Variants in TMTC1 observed in about 807,000 individuals in gnomAD.
TMTC1 encodes the protein protein O-mannosyl-transferase TMTC1.
TMTC1 carries 73 observed loss-of-function variants against 104.8 expected under a neutral mutation model. That is an observed-to-expected ratio of 0.70 (90% CI 0.58 to 0.85). TMTC1 has a LOEUF of 0.85. TMTC1 is among the 40% of genes least tolerant of loss of function. TMTC1 has a pLI of 0.00. For synonymous variants in TMTC1, 434 were observed against 428.7 expected (o/e 1.01, Z -0.15); for missense variants, 1,035 against 1,096.1 (o/e 0.94, Z 0.79).
At chr12:29,616,371 G>A (rs1946978080) in intron 6 of TMTC1, among the ~76,000 whole-genome samples, 1 of 152,108 alleles carries the variant, frequency 6.6e-6, no homozygotes, top group African/African-American at 2.4e-5. Context: ...TCACGCTACA[G>A]TTGAAATACA....
At chr12:29,660,697 T>A (rs1939977301) in intron 5 of TMTC1, 2 of 338,132 alleles carry the variant, frequency 5.9e-6, no homozygotes, top group Non-Finnish European at 9.7e-6. Context: ...TAGAGTCTAT[T>A]GCTGATTCTA....
At chr12:29,606,417 G>C (rs1205458201) in intron 6 of TMTC1, among the ~76,000 whole-genome samples, 3 of 141,436 alleles carry the variant, frequency 2.1e-5, no homozygotes, top group Non-Finnish European at 4.9e-5. Flanking sequence ...TCTTACAATT[G>C]AAAACAGACC....
intron 5 of TMTC1, among the ~76,000 whole-genome samples, chr12:29,702,811 C>G (rs1941635271): frequency 6.6e-6 from 1 of 152,162 alleles, no homozygotes; most frequent in African/African-American, 2.4e-5. Context: ...GTCCATCATA[C>G]CACACAGCTA....
intron 6 of TMTC1, among the ~76,000 whole-genome samples, chr12:29,608,021 A>T (rs1946748302): frequency 1.3e-5 from 2 of 152,220 alleles, no homozygotes; most frequent in Non-Finnish European, 2.9e-5. Flanking sequence ...GAGAAAATTA[A>T]TACTCATGAA....
At chr12:29,605,247 G>C (rs1163283231) in intron 6 of TMTC1, among the ~76,000 whole-genome samples, 2 of 151,926 alleles carry the variant, frequency 1.3e-5, no homozygotes, top group Non-Finnish European at 2.9e-5. Flanking sequence ...AAAAGAATAA[G>C]TAAAAGAATT....
At chr12:29,671,476 C>T (rs762192904) in intron 5 of TMTC1, among the ~76,000 whole-genome samples, 29 of 152,172 alleles carry the variant, frequency 1.9e-4, no homozygotes, top group Non-Finnish European at 3.8e-4. Context: ...TACATGCATA[C>T]ATTTAACTTG....
intron 6 of TMTC1, among the ~76,000 whole-genome samples, chr12:29,617,533 CAACAGAGAGAGAGA>C (rs1199205728): frequency 8.3e-6 from 1 of 120,380 alleles, no homozygotes; most frequent in Non-Finnish European, 1.8e-5. Flanking sequence ...GCAAAACAGA[CAACAGAGAGAGAGA>C]GAGAGAGAGA....
intron 9 of TMTC1, among the ~76,000 whole-genome samples, chr12:29,560,716 T>C (rs1332530403): frequency 6.6e-6 from 1 of 152,204 alleles, no homozygotes; most frequent in Non-Finnish European, 1.5e-5. Context: ...ATAAACAATA[T>C]CCATTTAAGC....
chr12:29,548,913 A>C (rs901862686), intron 10 of TMTC1, among the ~76,000 whole-genome samples: 6 of 142,610 alleles, frequency 4.2e-5, no homozygotes, highest in Non-Finnish European at 7.6e-5. Context: ...TAATATATTT[A>C]TTTACATATT....
chr12:29,727,112 C>T (rs948476973), intron 5 of TMTC1, among the ~76,000 whole-genome samples: 6 of 152,216 alleles, frequency 3.9e-5, no homozygotes, highest in African/African-American at 1.4e-4. Flanking sequence ...CACAATGTCT[C>T]AGCTTCTCTG....
intron 6 of TMTC1, among the ~76,000 whole-genome samples, chr12:29,605,810 C>T (rs1010982185): frequency 3.3e-5 from 5 of 152,128 alleles, no homozygotes; most frequent in Non-Finnish European, 7.3e-5. Context: ...TTCTGCCACC[C>T]AGAGAGTGAA....
At chr12:29,718,894 C>CT (rs1942155470) in intron 5 of TMTC1, among the ~76,000 whole-genome samples, 1 of 142,778 alleles carries the variant, frequency 7.0e-6, no homozygotes, top group Non-Finnish European at 1.5e-5. Flanking sequence ...GATCGCGCCA[C>CT]TGCACTCCAG....
At chr12:29,605,957 G>A (rs1946687615) in intron 6 of TMTC1, among the ~76,000 whole-genome samples, 2 of 152,144 alleles carry the variant, frequency 1.3e-5, no homozygotes, top group Admixed American at 1.3e-4. Context: ...GTGAGAATAT[G>A]TGGTATTTGG....
At chr12:29,558,505 T>TC (rs1474843358) in intron 9 of TMTC1, among the ~76,000 whole-genome samples, 1 of 152,124 alleles carries the variant, frequency 6.6e-6, no homozygotes, top group Non-Finnish European at 1.5e-5. Flanking sequence ...GCTATAAACA[T>TC]CCCTCAGAAC....
intron 5 of TMTC1, among the ~76,000 whole-genome samples, chr12:29,715,585 T>G (rs1223929802): frequency 2.0e-5 from 3 of 152,234 alleles, no homozygotes; most frequent in Non-Finnish European, 2.9e-5. Flanking sequence ...TTTATATATA[T>G]GAACTGATTT....
intron 6 of TMTC1, among the ~76,000 whole-genome samples, chr12:29,627,071 A>C (rs1938037009): frequency 6.6e-6 from 1 of 152,178 alleles, no homozygotes; most frequent in Admixed American, 6.5e-5. Flanking sequence ...ATTGCACTCC[A>C]GCCTAGGTAA....
intron 5 of TMTC1, among the ~76,000 whole-genome samples, chr12:29,710,945 AAT>A (rs543021612): frequency 6.1e-4 from 11 of 17,942 alleles, no homozygotes; most frequent in Non-Finnish European, 2.2e-3. Context: ...ATAATATATA[AAT>A]ATATATATAA....
At chr12:29,638,788 C>A (rs1475691739) in intron 5 of TMTC1, among the ~76,000 whole-genome samples, 1 of 152,136 alleles carries the variant, frequency 6.6e-6, no homozygotes. Flanking sequence ...CATCACACAC[C>A]CTGCCAGGGG....
At chr12:29,730,251 G>A (rs1942511803) in intron 5 of TMTC1, among the ~76,000 whole-genome samples, 1 of 152,160 alleles carries the variant, frequency 6.6e-6, no homozygotes. Flanking sequence ...TCAAACCACT[G>A]CGTGCAGCCT....
Sources: gnomAD v4.1 joint callset for allele counts (sites outside exome capture counted in the v4.1 genomes callset) on GRCh38, gnomAD v4.1.1 for gene constraint, MANE v1.5 for transcripts, NCBI Gene and HGNC (gene_info 2026-07-23, HGNC 2026-07-21) for gene names.